EFNA2: variants seen among roughly 807,000 people sequenced by gnomAD.
EFNA2 encodes the protein ephrin-A2.
EFNA2 carries 18 observed loss-of-function variants against 19.7 expected under a neutral mutation model. The ratio of observed to expected loss-of-function variants is 0.91; its 90% CI spans 0.63 to 1.35. The LOEUF is 1.35. EFNA2 is among the 40% of genes most tolerant of loss of function. The probability of loss-of-function intolerance (pLI) is 0.00; values close to 1 mark genes in which losing one functional copy is unlikely to be tolerated. For synonymous variants in EFNA2, 187 were observed against 137.8 expected (o/e 1.36, Z -2.50); for missense variants, 303 against 296.0 (o/e 1.02, Z -0.17).
rs567761199 is a variant in EFNA2, at chr19:1,289,245, G to T, written c.140+2937G>T. Among the ~76,000 whole-genome samples the T allele has an allele frequency of 2.0e-5, 3 of 152,392 alleles. No individual in the cohort carries two copies. The East Asian group carries it at 5.8e-4, about 29-fold the overall frequency. On this transcript the variant is annotated intron_variant, in intron 1 of 3. Coordinates refer to ENST00000215368, the MANE Select transcript of EFNA2 (RefSeq NM_001405.4). The stretch of plus-strand genomic sequence containing the variant: ...GTGTCTGTGCGTGGCACCCGCGTTT[G>T]CATGTGCGTGCCCTTGCACGGGATG...
upstream of EFNA2, among the ~76,000 whole-genome samples, chr19:1,284,451 G>A (rs1194560533): frequency 6.6e-6 from 1 of 152,254 alleles, no homozygotes; most frequent in African/African-American, 2.4e-5. The surrounding 1 kb of genome is among the most constrained non-coding windows in gnomAD (Gnocchi z 5.3). Context: ...CCTTGTCCTG[G>A]CAGGGACGCT....
rs1434211855 is a variant in EFNA2, at chr19:1,301,338, C to G, written c.*1393C>G. On this transcript the variant is annotated 3_prime_UTR_variant, in exon 4 of 4. Coordinates refer to ENST00000215368, the MANE Select transcript of EFNA2 (RefSeq NM_001405.4). ...GGGTCGGCGGGGCGGGCCGCGTTGC[C>G]AGGCCTGGAGCTGGCGACCGGGCCT... Among the ~76,000 whole-genome samples, 1 of 151,496 alleles carries G rather than the reference C, an allele frequency of 6.6e-6. No homozygotes were observed. The highest frequency in any genetic ancestry group is 1.5e-5 in the Non-Finnish European group (1 of 67,908).
Position 1,295,930 on chromosome 19 carries a change from CGGGACCACTGGGGT to C in EFNA2, c.454+76_454+89del. 3.4e-5 allele frequency: 11 copies of C among 321,982 alleles called. No homozygotes were observed. The highest frequency in any genetic ancestry group is 5.5e-5 in the Non-Finnish European group (10 of 183,434). The allele number at this position is 321,982 out of a possible 1,614,324, so 19.9% of individuals were successfully genotyped here. A position where few individuals can be genotyped will look rare whatever the true frequency, so the allele number is the denominator to read the frequency against. ...CGCGGGGGCGGGGCCAGGAAGTGGGCGGGACCACTGGGGTGGGGCCGGGGAGTGGGCGGGGCAGC... is the reference window on the plus strand; with the variant it reads ...CGCGGGGGCGGGGCCAGGAAGTGGGCGGGGCCGGGGAGTGGGCGGGGCAGC... On this transcript the variant is annotated intron_variant, in intron 2 of 3. Transcript: ENST00000215368. The surrounding 1 kb of genome is among the most constrained non-coding windows in gnomAD (Gnocchi z 5.8).
Position 1,286,214 on chromosome 19 carries a change from T to TTACCGC in EFNA2, c.48_53dup (p.Leu18_Pro19dup). The TTACCGC allele has an allele frequency of 1.8e-6, 2 of 1,108,650 alleles. No homozygotes were observed. Among genetic ancestry groups the TTACCGC allele is most frequent in the Non-Finnish European group, 2.2e-6 (2 of 898,044 alleles). The allele number at this position is 1,108,650 out of a possible 1,614,324, so 68.7% of individuals were successfully genotyped here. A position where few individuals can be genotyped will look rare whatever the true frequency, so the allele number is the denominator to read the frequency against. ...GCTGCTCCCGCTGCTGCTCCTGCTG[T>TTACCGC]TACCGCTGCCGCCGCCGCCCTTCGC... On this transcript the variant is annotated inframe_insertion, in exon 1 of 4. Coordinates refer to ENST00000215368, the MANE Select transcript of EFNA2 (RefSeq NM_001405.4). The surrounding 1 kb of genome is among the most constrained non-coding windows in gnomAD (Gnocchi z 5.6).
chr19:1,288,006 G>A (rs905626364), intron 1 of EFNA2, among the ~76,000 whole-genome samples: 1 of 152,270 alleles, frequency 6.6e-6, no homozygotes, highest in African/African-American at 2.4e-5. Context: ...GCTTGGCCCA[G>A]CCACCTCCTG....
chr19:1,300,095 G>A lies in EFNA2; in HGVS notation c.*150G>A, dbSNP rs2081534113. Reference sequence around the variant, plus strand: ...CTGGTGCCGCCCCCGCCGGGCAGGGGCCATCCACCCGCCCCAGGACCAGCC... The same window carrying A: ...CTGGTGCCGCCCCCGCCGGGCAGGGACCATCCACCCGCCCCAGGACCAGCC... On this transcript the variant is annotated 3_prime_UTR_variant, in exon 4 of 4. Transcript: ENST00000215368. 8.7e-7 allele frequency: 1 copy of A among 1,155,254 alleles called. No homozygotes were observed. The highest frequency in any genetic ancestry group is 1.2e-6 in the Non-Finnish European group (1 of 855,900). The allele number at this position is 1,155,254 out of a possible 1,614,324, so 71.6% of individuals were successfully genotyped here.
Position 1,286,213 on chromosome 19 carries a change from GT to G in EFNA2, c.47del (p.Leu16TyrfsTer48). The G allele has an allele frequency of 9.0e-7, 1 of 1,108,846 alleles. No homozygotes were observed. The highest frequency in any genetic ancestry group is 1.1e-6 in the Non-Finnish European group (1 of 898,050). 68.7% of individuals were successfully genotyped at this position (1,108,846 alleles called of 1,614,324 possible). A position where few individuals can be genotyped will look rare whatever the true frequency, so the allele number is the denominator to read the frequency against. ...CGCTGCTCCCGCTGCTGCTCCTGCT[GT>G]TACCGCTGCCGCCGCCGCCCTTCGC... Reference protein sequence around the residue: ...RPLLPLLLLLLPLPPPPFARA... With the variant: ...RPLLPLLLLLXPLPPPPFARA... On this transcript the variant is annotated frameshift_variant, in exon 1 of 4. Transcript: ENST00000215368. LOFTEE classifies it high-confidence loss of function. The surrounding 1 kb of genome is among the most constrained non-coding windows in gnomAD (Gnocchi z 5.6).
At position 1,296,003 on chromosome 19, in the gene EFNA2, G is replaced by A. The variant is rs1375335087; in HGVS notation, c.454+145G>A. The A allele has an allele frequency of 3.2e-6, 2 of 621,626 alleles. No individual in the cohort carries two copies. Among genetic ancestry groups the A allele is most frequent in the Non-Finnish European group, 4.7e-6 (2 of 427,488 alleles). 38.5% of individuals were successfully genotyped at this position (621,626 alleles called of 1,614,324 possible). A position where few individuals can be genotyped will look rare whatever the true frequency, so the allele number is the denominator to read the frequency against. On this transcript the variant is annotated intron_variant, in intron 2 of 3. Transcript: ENST00000215368. The surrounding 1 kb of genome is among the most constrained non-coding windows in gnomAD (Gnocchi z 4.4). ...CGGGGCCGCGGTGTGGGGCCAGGGG[G>A]GAGTGGGCGGGGCCGCGGAATGGGG...
chr19:1,299,765 C>T (rs1056878062), intron 3 of EFNA2, 59 bp from the exon 4 acceptor site: 1 of 1,533,246 alleles, frequency 6.5e-7, no homozygotes, highest in Non-Finnish European at 8.7e-7. Flanking sequence ...GCGGGCGGCA[C>T]GTGGGGAGCC....
chr19:1,285,570 C>T (rs1247309203), upstream of EFNA2, among the ~76,000 whole-genome samples: 6 of 152,076 alleles, frequency 3.9e-5, no homozygotes, highest in Non-Finnish European at 8.8e-5. This position sits in a 1 kb window ranked among gnomAD's most constrained non-coding sequence, Gnocchi z 4.1. Flanking sequence ...CTGCGGATAG[C>T]GCTGGAACCG....
Position 1,297,805 on chromosome 19 carries a change from C to G in EFNA2, c.455-746C>G, listed in dbSNP as rs996936430. On this transcript the variant is annotated intron_variant, in intron 2 of 3. Coordinates refer to ENST00000215368, the MANE Select transcript of EFNA2 (RefSeq NM_001405.4). The surrounding 1 kb of genome is among the most constrained non-coding windows in gnomAD (Gnocchi z 5.0). The stretch of plus-strand genomic sequence containing the variant: ...CTTTCCCAGCCAGGCGTGGCGGTGG[C>G]TCACGCCTGTAATCCCAGCACTTTG... 6.6e-6 allele frequency among the ~76,000 whole-genome samples: 1 copy of G among 152,088 alleles called. No individual in the cohort carries two copies.
intron 1 of EFNA2, among the ~76,000 whole-genome samples, chr19:1,293,236 G>T (rs1400836128): frequency 6.6e-6 from 1 of 152,218 alleles, no homozygotes; most frequent in African/African-American, 2.4e-5. Flanking sequence ...TCGACCGCCT[G>T]ATCAATGGGC....
chr19:1,290,423 C>G (rs916181124), intron 1 of EFNA2, among the ~76,000 whole-genome samples: 8 of 152,190 alleles, frequency 5.3e-5, no homozygotes, highest in Non-Finnish European at 1.2e-4. Context: ...TGGCGGGGGG[C>G]CGTGAACGCA....
In EFNA2 at chr19:1,295,839, C is replaced by T. The variant is rs1371386249; in HGVS notation, c.435C>T (p.Gly145=). 6.2e-7 allele frequency: 1 copy of T among 1,605,040 alleles called. No homozygotes were observed. The part of the protein sequence containing the change: ...PFSLGFEFRP[G]HEYYYISATP... ...CCCTGGGCTTCGAGTTCCGGCCCGG[C>T]CACGAGTATTACTACATCTGTGAGT... Residue 145 remains glycine (G), a synonymous_variant, in exon 2 of 4, where the codon GGC becomes GGT. Transcript: ENST00000215368. The surrounding 1 kb of genome is among the most constrained non-coding windows in gnomAD (Gnocchi z 5.8).
Position 1,295,776 on chromosome 19 carries a change from C to G in EFNA2, c.372C>G (p.Leu124=), listed in dbSNP as rs1377569048. Residue 124 remains leucine (L), a synonymous_variant, in exon 2 of 4, where the codon CTC becomes CTG. Coordinates refer to ENST00000215368, the MANE Select transcript of EFNA2 (RefSeq NM_001405.4). This position sits in a 1 kb window ranked among gnomAD's most constrained non-coding sequence, Gnocchi z 5.8. The part of the protein sequence containing the change: ...CNRPAAPGGP[L]KFSEKFQLFT... Reference sequence around the variant, plus strand: ...GGCCCGCGGCGCCCGGGGGGCCGCTCAAGTTCTCGGAGAAGTTCCAGCTCT... The same window carrying G: ...GGCCCGCGGCGCCCGGGGGGCCGCTGAAGTTCTCGGAGAAGTTCCAGCTCT... The G allele has an allele frequency of 2.5e-6, 4 of 1,606,606 alleles. No homozygotes were observed. Among genetic ancestry groups the G allele is most frequent in the Non-Finnish European group, 2.5e-6 (3 of 1,177,748 alleles).
intron 1 of EFNA2, among the ~76,000 whole-genome samples, chr19:1,290,775 C>CCCGTCCCTGTGCCCA (rs1173938020): frequency 3.9e-5 from 6 of 152,192 alleles, no homozygotes; most frequent in East Asian, 1.9e-4. Flanking sequence ...CTGAGCTGCT[C>CCCGTCCCTGTGCCCA]CCGTCCCTGT....
chr19:1,299,971 TGCCTGGACGGCCCC>T lies in EFNA2; in HGVS notation c.*35_*48del, dbSNP rs1344609888. 1.9e-5 allele frequency: 30 copies of T among 1,575,982 alleles called. No homozygotes were observed. The highest frequency in any genetic ancestry group is 2.1e-5 in the Non-Finnish European group (25 of 1,166,568). ...TCCCAGCCCCGCAGGACGCCGACCC[TGCCTGGACGGCCCC>T]GCCTGGACCGCCTGACCTCGGCCCT... On this transcript the variant is annotated 3_prime_UTR_variant, in exon 4 of 4. Coordinates refer to ENST00000215368, the MANE Select transcript of EFNA2 (RefSeq NM_001405.4).
intron 1 of EFNA2, among the ~76,000 whole-genome samples, chr19:1,289,572 G>T (rs1049550537): frequency 6.6e-6 from 1 of 152,224 alleles, no homozygotes; most frequent in Non-Finnish European, 1.5e-5. Context: ...TGTGGTCCCC[G>T]GGAGTCCCCA....
At chr19:1,288,888 G>C (rs2081478460) in intron 1 of EFNA2, among the ~76,000 whole-genome samples, 1 of 152,236 alleles carries the variant, frequency 6.6e-6, no homozygotes, top group Non-Finnish European at 1.5e-5. Flanking sequence ...GCCGCCAGGA[G>C]TCTCTGGGCC....
Sources: allele counts gnomAD v4.1 joint callset (sites outside exome capture counted in the v4.1 genomes callset), GRCh38; gene constraint gnomAD v4.1.1; non-coding constraint Gnocchi (gnomAD v3.1); transcripts MANE v1.5; gene names NCBI Gene and HGNC (gene_info 2026-07-23, HGNC 2026-07-21).